Variants in TG observed in about 807,000 individuals in gnomAD.
TG encodes thyroglobulin, also known as thyroid hormones.
TG carries 270 observed loss-of-function variants against 324.7 expected under a neutral mutation model. The observed-to-expected ratio is 0.83, with a 90% CI of 0.75 to 0.92. The LOEUF is 0.92. TG is among the 40% of genes least tolerant of loss of function. The probability of loss-of-function intolerance (pLI) is 0.00; values close to 1 mark genes in which losing one functional copy is unlikely to be tolerated. For synonymous variants in TG, 1,401 were observed against 1,327.0 expected (o/e 1.06, Z -1.21); for missense variants, 3,591 against 3,456.4 (o/e 1.04, Z -0.98).
chr8:132,908,266 T>C lies in TG; in HGVS notation c.3928T>C (p.Tyr1310His), dbSNP rs546894931. The C allele has an allele frequency of 1.9e-6, 3 of 1,613,960 alleles. No individual in the cohort carries two copies. The South Asian group carries it at 3.3e-5, about 18-fold the overall frequency. ...GCCGGGCAAGATGTGCAGTGCTGAC[T>C]ACGCGGATTTGCTGCAGACTTTCCA... ...LPPGKMCSAD[Y>H]ADLLQTFQVF... The change falls in exon 18 of 48, where the codon TAC becomes CAC. Residue 1310 changes from tyrosine to histidine, a missense_variant. Physicochemically the swap from Tyr to His is moderately conservative, Grantham distance 83. Transcript: ENST00000220616.
chr8:133,037,779 T>A (rs1837361799), intron 41 of TG: 1 of 152,184 alleles, frequency 6.6e-6, no homozygotes. Context: ...TGCAAAGCCA[T>A]GGCTGCAGAC....
chr8:132,903,328 G>A (rs946803558), intron 16 of TG, among the ~76,000 whole-genome samples: 1 of 152,142 alleles, frequency 6.6e-6, no homozygotes, highest in Admixed American at 6.5e-5. Context: ...TGACGCCACC[G>A]GCCTTTGGGA....
intron 32 of TG, 22 bp downstream of exon 32, chr8:132,969,591 C>A (rs1006276065): frequency 7.0e-7 from 1 of 1,438,452 alleles, no homozygotes; most frequent in South Asian, 1.1e-5. Flanking sequence ...GTGTCTCACC[C>A]CTAATGTTTA....
chr8:133,030,007 G>T lies in TG; in HGVS notation c.7223G>T (p.Arg2408Leu), dbSNP rs747673148. ...AGGGCCACCAACTCCCAACTTTTCC[G>T]GAGAGCTGTGCTGATGGTAAGTGGT... ...TARATNSQLF[R>L]RAVLMGGSAL... is the part of the protein sequence containing the mutation. Residue 2408 changes from arginine (R) to leucine (L), a missense_variant, in exon 41 of 48, where the codon CGG becomes CTG. Arg to Leu is a moderately radical substitution (Grantham distance 102, BLOSUM62 -2). Transcript: ENST00000220616. 16 of 1,614,218 alleles carry T rather than the reference G, an allele frequency of 9.9e-6. No individual in the cohort carries two copies. The South Asian group carries it at 1.8e-4, about 18-fold the overall frequency.
intron 41 of TG, chr8:133,047,668 A>T (rs1210642033): frequency 1.6e-6 from 1 of 643,038 alleles, no homozygotes. Flanking sequence ...TTGCTTCCCC[A>T]CTGGCCTCCC....
chr8:133,056,541 C>A (rs186708593), intron 41 of TG, among the ~76,000 whole-genome samples: 2 of 152,318 alleles, frequency 1.3e-5, no homozygotes, highest in African/African-American at 4.8e-5. Context: ...GAGAGGGACC[C>A]TGGAGTCAGA....
chr8:133,130,625 A>G (rs1851867597), intron 45 of TG, among the ~76,000 whole-genome samples: 1 of 152,144 alleles, frequency 6.6e-6, no homozygotes, highest in Non-Finnish European at 1.5e-5. Context: ...ACAACTTTGA[A>G]TGGTCAAGAG....
intron 41 of TG, chr8:133,063,476 A>G (rs889122305): frequency 6.6e-6 from 1 of 151,520 alleles, no homozygotes; most frequent in African/African-American, 2.4e-5. Flanking sequence ...TTTGCATGCT[A>G]TTTTGGAGGG....
intron 10 of TG, 138 bp from the exon 11 acceptor site, chr8:132,893,552 G>A: frequency 1.8e-6 from 2 of 1,138,870 alleles, no homozygotes; most frequent in Admixed American, 1.9e-5. Context: ...GTAGGGGGGT[G>A]GTGTGTATGT....
intron 26 of TG, among the ~76,000 whole-genome samples, chr8:132,942,882 A>G (rs1473531906): frequency 6.6e-6 from 1 of 152,216 alleles, no homozygotes; most frequent in Non-Finnish European, 1.5e-5. Context: ...GATTTGGTTC[A>G]GAGTGGGTGT....
intron 47 of TG, among the ~76,000 whole-genome samples, chr8:133,134,121 A>G (rs916831797): frequency 1.3e-5 from 2 of 152,204 alleles, no homozygotes; most frequent in Non-Finnish European, 2.9e-5. Flanking sequence ...AGAAATTATA[A>G]TGAAGGCACT....
intron 5 of TG, among the ~76,000 whole-genome samples, chr8:132,879,936 C>A (rs772729612): frequency 1.3e-5 from 2 of 152,170 alleles, no homozygotes; most frequent in East Asian, 3.9e-4. Context: ...GTTGAATTAG[C>A]GAAGCATGGA....
At chr8:133,010,086 A>T (rs1834373379) in intron 35 of TG, among the ~76,000 whole-genome samples, 1 of 152,210 alleles carries the variant, frequency 6.6e-6, no homozygotes, top group Non-Finnish European at 1.5e-5. Context: ...ATACCTGGGG[A>T]TAATGTTCTG....
intron 21 of TG, among the ~76,000 whole-genome samples, chr8:132,922,776 C>A (rs1418112002): frequency 6.6e-6 from 1 of 152,170 alleles, no homozygotes; most frequent in African/African-American, 2.4e-5. Context: ...ACAAATGAGC[C>A]CCCTTGGGCC....
At chr8:133,065,984 C>T (rs922573469) in intron 41 of TG, among the ~76,000 whole-genome samples, 1 of 151,874 alleles carries the variant, frequency 6.6e-6, no homozygotes, top group Non-Finnish European at 1.5e-5. Context: ...AACAAGAGAG[C>T]GAGGCCAGTT....
At chr8:132,978,672 C>T (rs73357208) in intron 34 of TG, among the ~76,000 whole-genome samples, 3,262 of 152,128 alleles carry the variant, frequency 0.021, 121 homozygotes, top group African/African-American at 0.074. Context: ...TGGGGGAAAG[C>T]TGGATATAGA....
intron 2 of TG, among the ~76,000 whole-genome samples, chr8:132,868,690 A>G (rs896237840): frequency 2.0e-5 from 3 of 152,200 alleles, no homozygotes; most frequent in Middle Eastern, 3.4e-3. Context: ...CTAGCTCTCT[A>G]GGCTGCCTCT....
intron 35 of TG, chr8:133,002,587 AT>A: frequency 4.0e-6 from 1 of 251,254 alleles, no homozygotes. Flanking sequence ...GATGTCTTAT[AT>A]TTTATTTTAA....
intron 26 of TG, among the ~76,000 whole-genome samples, chr8:132,942,461 G>GA (rs2129936230): frequency 6.6e-6 from 1 of 152,226 alleles, no homozygotes; most frequent in Non-Finnish European, 1.5e-5. Flanking sequence ...CTAAAGATTA[G>GA]AAAAAATTGA....
Sources: gnomAD v4.1 joint callset for allele counts (sites outside exome capture counted in the v4.1 genomes callset) on GRCh38, gnomAD v4.1.1 for gene constraint, MANE v1.5 for transcripts, NCBI Gene and HGNC (gene_info 2026-07-23, HGNC 2026-07-21) for gene names.